The following EYS variants were observed in gnomAD, a reference collection of about 807,000 sequenced individuals.
EYS encodes protein eyes shut homolog.
In EYS, 250 loss-of-function variants were observed where a neutral mutation model predicts 282.1. The ratio of observed to expected loss-of-function variants is 0.89; its 90% CI spans 0.80 to 0.98. EYS has a LOEUF of 0.98. EYS is among the 50% of genes least tolerant of loss of function. The pLI is 0.00. For missense variants in EYS, 4,016 were observed against 3,709.0 expected (o/e 1.08, Z -2.15); for synonymous variants, 1,355 against 1,282.9 (o/e 1.06, Z -1.20).
intron 35 of EYS, among the ~76,000 whole-genome samples, chr6:63,951,455 CCTT>C (rs1208245834): frequency 6.6e-6 from 1 of 151,898 alleles, no homozygotes; most frequent in Non-Finnish European, 1.5e-5. Context: ...AAATCCTCCT[CCTT>C]TCCCTCCCAC....
At chr6:64,755,503 C>T (rs372080588) in intron 22 of EYS, among the ~76,000 whole-genome samples, 1 of 124,090 alleles carries the variant, frequency 8.1e-6, no homozygotes, top group African/African-American at 3.7e-5. Flanking sequence ...TACATACACA[C>T]ACACACACAC....
intron 35 of EYS, among the ~76,000 whole-genome samples, chr6:63,979,507 C>G (rs1050676070): frequency 6.6e-6 from 1 of 151,824 alleles, no homozygotes; most frequent in Non-Finnish European, 1.5e-5. Context: ...AAATTAGTGT[C>G]TCAATAATTA....
In EYS at chr6:64,343,851, G is replaced by T. The variant is rs1442473365; in HGVS notation, c.6079-36769C>A. ...GAAAAGAGAGAAGAATCAAATAGAC[G>T]CAATAAAAAATGATAAAGGGGATAT... On this transcript the variant is annotated intron_variant, in intron 29 of 42. Coordinates refer to ENST00000503581, the MANE Select transcript of EYS (RefSeq NM_001142800.2). 4.0e-5 allele frequency among the ~76,000 whole-genome samples: 6 copies of T among 151,774 alleles called. No individual in the cohort carries two copies. The East Asian group carries it at 9.7e-4, about 25-fold the overall frequency.
intron 19 of EYS, among the ~76,000 whole-genome samples, chr6:64,824,687 A>C (rs1764997906): frequency 6.6e-6 from 1 of 151,844 alleles, no homozygotes; most frequent in South Asian, 2.1e-4. Context: ...GAAAGTGTTA[A>C]AAGAGTTTGG....
chr6:64,992,286 C>T (rs1008660076), intron 14 of EYS, among the ~76,000 whole-genome samples: 13 of 151,690 alleles, frequency 8.6e-5, no homozygotes, highest in African/African-American at 2.4e-4. Flanking sequence ...GTTTTCATTT[C>T]GTTTTATGAT....
At chr6:64,554,863 C>A (rs1321425000) in intron 26 of EYS, among the ~76,000 whole-genome samples, 1 of 151,856 alleles carries the variant, frequency 6.6e-6, no homozygotes, top group Non-Finnish European at 1.5e-5. Flanking sequence ...ATCAAAAAGA[C>A]AAAAAGTAGC....
At chr6:64,756,964 T>A (rs552530131) in intron 22 of EYS, among the ~76,000 whole-genome samples, 20 of 152,178 alleles carry the variant, frequency 1.3e-4, no homozygotes, top group African/African-American at 4.8e-4. Flanking sequence ...AGAGTCACTT[T>A]GGCCTTAGGC....
intron 12 of EYS, among the ~76,000 whole-genome samples, chr6:65,170,092 C>T (rs1765068758): frequency 6.6e-6 from 1 of 151,484 alleles, no homozygotes; most frequent in South Asian, 2.1e-4. Context: ...GGGACACTTT[C>T]CTGAGTGAGT....
intron 41 of EYS, among the ~76,000 whole-genome samples, chr6:63,735,327 A>G (rs1161887657): frequency 2.0e-5 from 3 of 152,108 alleles, no homozygotes; most frequent in Non-Finnish European, 4.4e-5. Flanking sequence ...AATTTTTTAT[A>G]ACTCACTTTG....
Position 65,353,631 on chromosome 6 carries a change from A to G in EYS, c.1300-14T>C, listed in dbSNP as rs1764369659. The G allele has an allele frequency of 3.7e-6, 6 of 1,606,444 alleles. No individual in the cohort carries two copies. The highest frequency in any genetic ancestry group is 5.1e-6 in the Non-Finnish European group (6 of 1,173,700). ...AATGCATACATACTGCAAAAAGGAA[A>G]CAAGGAAAAATGGTAAATTCTTTTT... On this transcript the variant is annotated splice_polypyrimidine_tract_variant and intron_variant, in intron 8 of 42. Transcript: ENST00000503581.
intron 22 of EYS, among the ~76,000 whole-genome samples, chr6:64,685,086 TATG>T (rs1172577781): frequency 6.6e-6 from 1 of 152,052 alleles, no homozygotes; most frequent in African/African-American, 2.4e-5. Context: ...TGAAAAGCAG[TATG>T]TTGTGGAAAC....
chr6:65,231,082 T>TAA lies in EYS; in HGVS notation c.2023+64780_2023+64781insTT, dbSNP rs1491241891. Among the ~76,000 whole-genome samples, 30 of 142,470 alleles carry TAA rather than the reference T, an allele frequency of 2.1e-4. 1 individual carries two copies. In the East Asian group the frequency reaches 5.1e-3, roughly 24 times the overall value. 93.5% of individuals were successfully genotyped at this position (142,470 alleles called of 152,430 possible). A position where few individuals can be genotyped will look rare whatever the true frequency, so the allele number is the denominator to read the frequency against. On this transcript the variant is annotated intron_variant, in intron 12 of 42. Coordinates refer to ENST00000503581, the MANE Select transcript of EYS (RefSeq NM_001142800.2). ...ATATATGTACTTTTATATATATATATGTGTATATATATATACTTTTATATA... is the reference window on the plus strand; with the variant it reads ...ATATATGTACTTTTATATATATATATAAGTGTATATATATATACTTTTATATA...
chr6:64,857,999 C>T (rs545275201), intron 19 of EYS, among the ~76,000 whole-genome samples: 1 of 152,074 alleles, frequency 6.6e-6, no homozygotes, highest in Admixed American at 6.5e-5. Flanking sequence ...TGGATATTAA[C>T]TCCTTATCAG....
intron 31 of EYS, among the ~76,000 whole-genome samples, chr6:64,189,232 A>C (rs1765035772): frequency 6.6e-6 from 1 of 152,234 alleles, no homozygotes; most frequent in Admixed American, 6.5e-5. Flanking sequence ...TATAAATAAA[A>C]CATGCATAAT....
chr6:65,027,450 G>C (rs568127185), intron 13 of EYS, among the ~76,000 whole-genome samples: 1 of 152,146 alleles, frequency 6.6e-6, no homozygotes, highest in South Asian at 2.1e-4. Flanking sequence ...TGTACAATAA[G>C]TTATTACTTA....
chr6:64,554,513 T>C (rs1336679897), intron 26 of EYS, among the ~76,000 whole-genome samples: 4 of 152,048 alleles, frequency 2.6e-5, no homozygotes, highest in African/African-American at 9.7e-5. Context: ...CAAAAGACCT[T>C]GCATGGTTAA....
At chr6:65,624,750 G>A (rs1477494634) in intron 2 of EYS, among the ~76,000 whole-genome samples, 2 of 152,182 alleles carry the variant, frequency 1.3e-5, no homozygotes, top group Admixed American at 6.5e-5. Context: ...ACACCGAACT[G>A]CAAGTTCTTC....
chr6:63,784,586 C>T (rs1770317973), intron 39 of EYS, among the ~76,000 whole-genome samples: 1 of 152,042 alleles, frequency 6.6e-6, no homozygotes. Context: ...TCTTACATGG[C>T]TGGAGCAGGA....
At chr6:65,331,892 T>C (rs1210684390) in intron 11 of EYS, 1 of 241,582 alleles carries the variant, frequency 4.1e-6, no homozygotes, top group African/African-American at 2.3e-5. Context: ...ATTTTATATA[T>C]CCATTCATCA....
Sources: gnomAD v4.1 joint callset for allele counts (sites outside exome capture counted in the v4.1 genomes callset) on GRCh38, gnomAD v4.1.1 for gene constraint, MANE v1.5 for transcripts, NCBI Gene and HGNC (gene_info 2026-07-23, HGNC 2026-07-21) for gene names.